The following WDR33 variants were observed in gnomAD, a reference collection of about 807,000 sequenced individuals.
WDR33 encodes the protein pre-mRNA 3' end processing protein WDR33.
WDR33 carries 47 observed loss-of-function variants against 164.9 expected under a neutral mutation model. The ratio of observed to expected loss-of-function variants is 0.29; its 90% CI spans 0.23 to 0.36. The LOEUF is 0.36. Ranked by LOEUF, WDR33 falls within the 10% of genes least tolerant of loss-of-function variation. The pLI is 1.00. For synonymous variants in WDR33, 505 were observed against 589.0 expected (o/e 0.86, Z 2.06); for missense variants, 1,137 against 1,754.1 (o/e 0.65, Z 6.28).
Position 127,763,258 on chromosome 2 carries a change from T to G in WDR33, c.627-99A>C. ...AAAATAAAAACACTGTGCTGCATTA[T>G]AAACAGGAGAGGGAAGAATCCAGTG... On this transcript the variant is annotated intron_variant, in intron 6 of 21. Coordinates refer to ENST00000322313, the MANE Select transcript of WDR33 (RefSeq NM_018383.5). The surrounding 1 kb of genome is among the most constrained non-coding windows in gnomAD (Gnocchi z 4.5). The G allele has an allele frequency of 1.3e-6, 2 of 1,573,536 alleles. No homozygotes were observed. The highest frequency in any genetic ancestry group is 1.7e-6 in the Non-Finnish European group (2 of 1,158,564).
chr2:127,731,286 C>T (rs189292891), intron 7 of WDR33, among the ~76,000 whole-genome samples: 8 of 128,654 alleles, frequency 6.2e-5, no homozygotes, highest in South Asian at 2.7e-4. Context: ...CAGAGCAAGA[C>T]CCTGCCTCAA....
intron 1 of WDR33, among the ~76,000 whole-genome samples, chr2:127,774,048 CTT>C (rs776082351): frequency 4.9e-4 from 54 of 110,724 alleles, no homozygotes; most frequent in Middle Eastern, 6.8e-3. Context: ...GCCCAAAAGC[CTT>C]TTTTTTTTTT....
At chr2:127,782,570 T>A (rs952572377) in intron 1 of WDR33, among the ~76,000 whole-genome samples, 1 of 152,180 alleles carries the variant, frequency 6.6e-6, no homozygotes, top group East Asian at 1.9e-4. Flanking sequence ...TATCTATCTG[T>A]TCTGCATCCA....
chr2:127,713,688 C>G lies in WDR33; in HGVS notation c.3203G>C (p.Gly1068Ala), dbSNP rs888305997. The G allele has an allele frequency of 1.9e-6, 3 of 1,614,098 alleles. No individual in the cohort carries two copies. In the African/African-American group the frequency reaches 4.0e-5, roughly 22 times the overall value. The stretch of plus-strand genomic sequence containing the variant: ...TGCCCCCGGAGGGCCTCGGGCTGCA[C>G]CCCGGCCATCCCCCTCGCTGAATTC... ...HREFSEGDGR[G>A]AARGPPGAWE... is the part of the protein sequence containing the mutation. The change falls in exon 18 of 22, where the codon GGT becomes GCT. Residue 1068 changes from glycine (G) to alanine (A), a missense_variant. Physicochemically the swap from Gly to Ala is moderately conservative, Grantham distance 60. Coordinates refer to ENST00000322313, the MANE Select transcript of WDR33 (RefSeq NM_018383.5). The surrounding 1 kb of genome is among the most constrained non-coding windows in gnomAD (Gnocchi z 6.2).
chr2:127,787,865 G>A (rs1266088714), intron 1 of WDR33, among the ~76,000 whole-genome samples: 1 of 44,568 alleles, frequency 2.2e-5, no homozygotes. Context: ...CCTCCCTCCC[G>A]GACGGGGCGG....
chr2:127,795,950 A>C (rs1689024224), intron 1 of WDR33, among the ~76,000 whole-genome samples: 1 of 152,022 alleles, frequency 6.6e-6, no homozygotes, highest in Non-Finnish European at 1.5e-5. Flanking sequence ...ATGGAATGTT[A>C]GTTCTTTAAA....
At chr2:127,736,464 A>T in intron 7 of WDR33, 3 of 985,460 alleles carry the variant, frequency 3.0e-6, no homozygotes, top group East Asian at 1.1e-4. Context: ...TAGTGTCAGG[A>T]GCAACCAATA....
intron 4 of WDR33, among the ~76,000 whole-genome samples, chr2:127,767,545 CTACTAAAAA>C (rs2105439533): frequency 6.6e-6 from 1 of 151,920 alleles, no homozygotes; most frequent in East Asian, 1.9e-4. Flanking sequence ...AACCCCGTCT[CTACTAAAAA>C]TACAAAAAAA....
intron 1 of WDR33, among the ~76,000 whole-genome samples, chr2:127,780,309 C>A (rs1397638623): frequency 2.0e-5 from 3 of 152,168 alleles, no homozygotes; most frequent in African/African-American, 7.2e-5. Context: ...AAACCTCAGC[C>A]TGGAAACCTG....
chr2:127,783,664 G>A (rs543617306), intron 1 of WDR33, among the ~76,000 whole-genome samples: 1 of 140,944 alleles, frequency 7.1e-6, no homozygotes, highest in Non-Finnish European at 1.5e-5. Flanking sequence ...GAGTACAGTG[G>A]TGTGATCTCG....
chr2:127,772,692 T>A (rs1688048818), intron 1 of WDR33, among the ~76,000 whole-genome samples: 2 of 152,148 alleles, frequency 1.3e-5, no homozygotes, highest in Admixed American at 6.6e-5. Context: ...ATTTACATAT[T>A]TACAAAGGTA....
Position 127,722,457 on chromosome 2 carries a change from G to T in WDR33, c.1518+134C>A. 1 of 1,247,504 alleles carries T rather than the reference G, an allele frequency of 8.0e-7. No individual in the cohort carries two copies. Among genetic ancestry groups the T allele is most frequent in the Non-Finnish European group, 1.1e-6 (1 of 898,652 alleles). 77.3% of individuals were successfully genotyped at this position (1,247,504 alleles called of 1,614,324 possible). On this transcript the variant is annotated intron_variant, in intron 14 of 21. Transcript: ENST00000322313. This position sits in a 1 kb window ranked among gnomAD's most constrained non-coding sequence, Gnocchi z 5.1. ...CTGCAAAGCAGTAGATGAGAACCAT[G>T]TCTAAGAGTACGTGAACATGGGAAA...
chr2:127,720,499 A>G lies in WDR33; in HGVS notation c.1672-146T>C, dbSNP rs985428525. Reference sequence around the variant, plus strand: ...CACGCTCCAGTGGTAATTAGAGTCCATGCAACACTCAAGCACTGTAAGGAG... The same window carrying G: ...CACGCTCCAGTGGTAATTAGAGTCCGTGCAACACTCAAGCACTGTAAGGAG... On this transcript the variant is annotated intron_variant, in intron 15 of 21. Transcript: ENST00000322313. The surrounding 1 kb of genome is among the most constrained non-coding windows in gnomAD (Gnocchi z 5.9). 1.0e-5 allele frequency: 10 copies of G among 979,916 alleles called. No homozygotes were observed. Among genetic ancestry groups the G allele is most frequent in the African/African-American group, 1.7e-5 (1 of 59,956 alleles). 60.7% of individuals were successfully genotyped at this position (979,916 alleles called of 1,614,324 possible). A position where few individuals can be genotyped will look rare whatever the true frequency, so the allele number is the denominator to read the frequency against.
At chr2:127,752,595 T>C (rs1687402267) in intron 7 of WDR33, among the ~76,000 whole-genome samples, 1 of 54,660 alleles carries the variant, frequency 1.8e-5, no homozygotes, top group African/African-American at 8.6e-5. Flanking sequence ...AGACTCCGTC[T>C]CAAAAAAAAA....
At position 127,708,756 on chromosome 2, in the gene WDR33, G is replaced by A; in HGVS notation, c.3702C>T (p.Pro1234=). 2 of 1,613,922 alleles carry A rather than the reference G, an allele frequency of 1.2e-6. No individual in the cohort carries two copies. The highest frequency in any genetic ancestry group is 1.7e-6 in the Non-Finnish European group (2 of 1,179,898). ...CAGAAGTGCCTGGGCCATCATGCCAGGGGCGCTTTCGGGGAGGTAGGGATG... is the reference window on the plus strand; with the variant it reads ...CAGAAGTGCCTGGGCCATCATGCCAAGGGCGCTTTCGGGGAGGTAGGGATG... ...DMASLPPRKR[P]WHDGPGTSEH... The change falls in exon 21 of 22, where the codon CCC becomes CCT. Residue 1234 remains proline (P), a synonymous_variant. Coordinates refer to ENST00000322313, the MANE Select transcript of WDR33 (RefSeq NM_018383.5). The surrounding 1 kb of genome is among the most constrained non-coding windows in gnomAD (Gnocchi z 6.7).
rs767724864 is a variant in WDR33 at position 127,701,519 on chromosome 2, C to T, written c.*4804G>A. On this transcript the variant is annotated 3_prime_UTR_variant, in exon 22 of 22. Transcript: ENST00000322313. ...CGCAGCTTTTCCTTTCTGCCACCGC[C>T]TTGTCCAAGATGGCGGACCTCCACC... 9.2e-6 allele frequency: 12 copies of T among 1,305,434 alleles called. No individual in the cohort carries two copies. The highest frequency in any genetic ancestry group is 2.0e-6 in the Non-Finnish European group (2 of 1,023,954). 80.9% of individuals were successfully genotyped at this position (1,305,434 alleles called of 1,614,324 possible). A position where few individuals can be genotyped will look rare whatever the true frequency, so the allele number is the denominator to read the frequency against.
At chr2:127,767,628 T>C (rs1687862227) in intron 4 of WDR33, among the ~76,000 whole-genome samples, 1 of 152,062 alleles carries the variant, frequency 6.6e-6, no homozygotes, top group Admixed American at 6.6e-5. Flanking sequence ...GGCAGGAGAA[T>C]GGCGTGAACC....
At chr2:127,792,447 G>A (rs1298604006) in intron 1 of WDR33, among the ~76,000 whole-genome samples, 2 of 151,506 alleles carry the variant, frequency 1.3e-5, no homozygotes, top group Non-Finnish European at 2.9e-5. Context: ...GATCACTTGA[G>A]GTCAGAAGTT....
chr2:127,754,777 A>T (rs1687474563), intron 7 of WDR33, among the ~76,000 whole-genome samples: 1 of 152,018 alleles, frequency 6.6e-6, no homozygotes, highest in Non-Finnish European at 1.5e-5. Context: ...TCCAAATATG[A>T]TGTCCTATAT....
Sources: gnomAD v4.1 joint callset for allele counts (sites outside exome capture counted in the v4.1 genomes callset) on GRCh38, gnomAD v4.1.1 for gene constraint, Gnocchi (gnomAD v3.1) non-coding constraint, MANE v1.5 for transcripts, NCBI Gene and HGNC (gene_info 2026-07-23, HGNC 2026-07-21) for gene names.